The following EHF variants were observed in gnomAD, a reference collection of about 807,000 sequenced individuals.
EHF encodes ESE3 transcription factor.
A neutral mutation model predicts 45.1 loss-of-function variants in EHF; 14 were observed. That is an observed-to-expected ratio of 0.31 (90% CI 0.21 to 0.49). The LOEUF is 0.49. Ranked by LOEUF, EHF falls within the 20% of genes least tolerant of loss-of-function variation. The pLI is 0.99. For synonymous variants in EHF, 136 were observed against 131.8 expected (o/e 1.03, Z -0.22); for missense variants, 282 against 371.4 (o/e 0.76, Z 1.98).
chr11:34,662,727 C>T lies in EHF; in HGVS notation c.*3796C>T, dbSNP rs190617962. On this transcript the variant is annotated 3_prime_UTR_variant, in exon 9 of 9. Coordinates refer to ENST00000257831, the MANE Select transcript of EHF (RefSeq NM_012153.6). ...TAAGAAGGAAGGCAATTATATTATT[C>T]TTCTGTAGTTAAGCAAACACTTGTT... Among the ~76,000 whole-genome samples the T allele has an allele frequency of 2.0e-4, 31 of 152,178 alleles. No homozygotes were observed. The highest frequency in any genetic ancestry group is 8.5e-4 in the Admixed American group (13 of 15,266).
At chr11:34,629,876 G>A (rs1211739101) in intron 1 of EHF, among the ~76,000 whole-genome samples, 2 of 151,718 alleles carry the variant, frequency 1.3e-5, no homozygotes, top group Non-Finnish European at 2.9e-5. Flanking sequence ...TTTTCTTGCT[G>A]TTATTACTGC....
intron 3 of EHF, 82 bp downstream of exon 3, chr11:34,646,766 T>A (rs763725274): frequency 1.3e-6 from 2 of 1,549,856 alleles, no homozygotes; most frequent in South Asian, 2.3e-5. Flanking sequence ...ACAGGATTCT[T>A]TGTCAGGGAC....
intron 1 of EHF, among the ~76,000 whole-genome samples, chr11:34,638,474 C>A (rs181487335): frequency 6.6e-6 from 1 of 152,156 alleles, no homozygotes; most frequent in African/African-American, 2.4e-5. Context: ...GAGGAAATGG[C>A]ACCCAGGAAG....
chr11:34,643,707 C>T (rs867371278), intron 2 of EHF, among the ~76,000 whole-genome samples: 2 of 152,200 alleles, frequency 1.3e-5, no homozygotes, highest in Non-Finnish European at 2.9e-5. Context: ...CCTGTCCCCC[C>T]AAACTGCTGC....
rs761157666 is a variant in EHF, at chr11:34,646,688, ACT to A, written c.343+11_343+12del. The A allele has an allele frequency of 6.8e-6, 11 of 1,607,528 alleles. No homozygotes were observed. The East Asian group carries it at 2.2e-4, about 33-fold the overall frequency. ...TTGCAGCATCTGAAGTGGAACGGTG[ACT>A]CTCTCTTTCTGTGTCTCTCCCTACC... is the stretch of plus-strand genomic sequence containing the variant. On this transcript the variant is annotated splice_donor_5th_base_variant and intron_variant, in intron 3 of 8. Transcript: ENST00000257831.
At position 34,656,979 on chromosome 11, in the gene EHF, G is replaced by A; in HGVS notation, c.607+9G>A. 1 of 1,613,182 alleles carries A rather than the reference G, an allele frequency of 6.2e-7. No homozygotes were observed. The highest frequency in any genetic ancestry group is 8.5e-7 in the Non-Finnish European group (1 of 1,179,564). On this transcript the variant is annotated intron_variant, in intron 7 of 8. Transcript: ENST00000257831. ...CCACACCAAAAAGCACAGTAAGTTG[G>A]CTGGCTTTCAGATGGCCTTTGGTCC...
chr11:34,651,590 C>G lies in EHF; in HGVS notation c.455C>G (p.Thr152Ser), dbSNP rs1855176157. Residue 152 changes from threonine to serine, a missense_variant, in exon 5 of 9, where the codon ACC (threonine) becomes AGC (serine). Thr to Ser is a moderately conservative substitution (Grantham distance 58). Coordinates refer to ENST00000257831, the MANE Select transcript of EHF (RefSeq NM_012153.6). ...TWKDENYLYDTNYGSTVDLLD... is the reference protein window; with the variant it reads ...TWKDENYLYDSNYGSTVDLLD... ...AAAGACGAGAACTATTTATATGACA[C>G]CAACTATGGTAGCACAGTAGGTAAC... The G allele has an allele frequency of 6.2e-7, 1 of 1,613,948 alleles. No homozygotes were observed. Among genetic ancestry groups the G allele is most frequent in the Non-Finnish European group, 8.5e-7 (1 of 1,179,854 alleles).
intron 1 of EHF, chr11:34,624,130 G>A (rs1383924459): frequency 4.2e-6 from 1 of 240,838 alleles, no homozygotes; most frequent in Non-Finnish European, 6.7e-6. Flanking sequence ...CCATTTTGCT[G>A]CCGTTTCAGC....
chr11:34,647,197 GA>G (rs1290912415), intron 3 of EHF, among the ~76,000 whole-genome samples: 2 of 151,992 alleles, frequency 1.3e-5, no homozygotes, highest in South Asian at 4.2e-4. Flanking sequence ...TTTGGGAGGG[GA>G]AAAAACTCAC....
chr11:34,628,854 G>A (rs1852612620), intron 1 of EHF, among the ~76,000 whole-genome samples: 1 of 152,194 alleles, frequency 6.6e-6, no homozygotes, highest in East Asian at 1.9e-4. Context: ...TGTGCAACCT[G>A]TGCAGTTCCA....
intron 1 of EHF, among the ~76,000 whole-genome samples, chr11:34,627,666 GTTC>G (rs934982988): frequency 5.3e-5 from 8 of 152,132 alleles, no homozygotes; most frequent in African/African-American, 1.9e-4. Context: ...TGAACAAGTA[GTTC>G]TTATTATTAG....
chr11:34,632,569 G>A (rs1490288966), intron 1 of EHF: 3 of 1,535,526 alleles, frequency 2.0e-6, no homozygotes, highest in African/African-American at 2.7e-5. Flanking sequence ...CCTAGTCAGA[G>A]TTTTCTGTGA....
At chr11:34,621,836 A>G (rs1447635375) in intron 1 of EHF, among the ~76,000 whole-genome samples, 1 of 152,268 alleles carries the variant, frequency 6.6e-6, no homozygotes, top group Non-Finnish European at 1.5e-5. Flanking sequence ...AAAAACAAAA[A>G]TTCAGAAAAA....
In EHF at chr11:34,642,621, C is replaced by G. The variant is rs374539702; in HGVS notation, c.-3-7C>G. On this transcript the variant is annotated splice_polypyrimidine_tract_variant and splice_region_variant and intron_variant, in intron 1 of 8. Transcript: ENST00000257831. ...CTGACTGAACAGGCTGTTTGATCCC[C>G]TAACAGATCATGATTCTGGAAGGAG... is the stretch of plus-strand genomic sequence containing the variant. 1.4e-4 allele frequency: 230 copies of G among 1,604,260 alleles called. 2 individuals are homozygous for G. Among genetic ancestry groups the G allele is most frequent in the Middle Eastern group, 3.3e-4 (2 of 6,076 alleles).
In EHF at chr11:34,661,989, A is replaced by G. The variant is rs1381192387; in HGVS notation, c.*3058A>G. ...GCTCTGGCTCCCAGGGGCATAAGCA[A>G]CAGTTTCTTGAATGTGCCATCTGAG... On this transcript the variant is annotated 3_prime_UTR_variant, in exon 9 of 9. Transcript: ENST00000257831. Among the ~76,000 whole-genome samples, 1 of 152,104 alleles carries G rather than the reference A, an allele frequency of 6.6e-6. No homozygotes were observed. The highest frequency in any genetic ancestry group is 1.5e-5 in the Non-Finnish European group (1 of 68,008).
At chr11:34,629,030 A>G (rs1852632445) in intron 1 of EHF, among the ~76,000 whole-genome samples, 1 of 152,204 alleles carries the variant, frequency 6.6e-6, no homozygotes. Flanking sequence ...AATGGAATGT[A>G]TGACAACTCC....
At chr11:34,640,923 A>G (rs1267814070) in intron 1 of EHF, among the ~76,000 whole-genome samples, 1 of 152,118 alleles carries the variant, frequency 6.6e-6, no homozygotes, top group Non-Finnish European at 1.5e-5. Context: ...AACTCATTTA[A>G]TCTCCAATCA....
intron 1 of EHF, among the ~76,000 whole-genome samples, chr11:34,625,257 G>C (rs777183885): frequency 5.9e-5 from 9 of 152,160 alleles, no homozygotes; most frequent in Non-Finnish European, 1.3e-4. Flanking sequence ...CAACATCCCA[G>C]CTTTGCCAAT....
chr11:34,646,931 A>C, intron 3 of EHF: 1 of 529,164 alleles, frequency 1.9e-6, no homozygotes, highest in Non-Finnish European at 3.3e-6. Context: ...GATAATTTTC[A>C]AGAAGACAAA....
Sources: allele counts gnomAD v4.1 joint callset (sites outside exome capture counted in the v4.1 genomes callset), GRCh38; gene constraint gnomAD v4.1.1; transcripts MANE v1.5; gene names NCBI Gene and HGNC (gene_info 2026-07-23, HGNC 2026-07-21).